Variants in ARHGEF2 observed in about 807,000 individuals in gnomAD.
ARHGEF2 encodes rho guanine nucleotide exchange factor 2.
ARHGEF2 carries 22 observed loss-of-function variants against 121.0 expected under a neutral mutation model. The observed-to-expected ratio is 0.18, with a 90% CI of 0.13 to 0.26. The LOEUF (loss-of-function observed/expected upper bound fraction) is 0.26, where lower values mean the gene tolerates loss of function less well. Among genes scored for constraint, ARHGEF2 ranks in the 10% least tolerant of loss-of-function variants. ARHGEF2 has a pLI of 1.00. For missense variants in ARHGEF2, 907 were observed against 1,336.0 expected, an observed-to-expected ratio of 0.68 and a Z score of 5.01; for synonymous variants, 487 against 530.0, an observed-to-expected ratio of 0.92 and a Z score of 1.11.
At chr1:155,949,652 G>C (rs1041548036) in intron 21 of ARHGEF2, among the ~76,000 whole-genome samples, 1 of 151,814 alleles carries the variant, frequency 6.6e-6, no homozygotes, top group African/African-American at 2.4e-5. Flanking sequence ...GCCAAGACAG[G>C]TGGATCGCGA....
intron 4 of ARHGEF2, among the ~76,000 whole-genome samples, chr1:155,966,094 C>T (rs997378809): frequency 2.0e-5 from 3 of 152,174 alleles, no homozygotes; most frequent in Non-Finnish European, 4.4e-5. Context: ...CTTTCTGTTA[C>T]ACCAAAGCTG....
chr1:155,962,468 A>G lies in ARHGEF2; in HGVS notation c.1101+125T>C. 1 of 1,380,656 alleles carries G rather than the reference A, an allele frequency of 7.2e-7. No homozygotes were observed. Among genetic ancestry groups the G allele is most frequent in the Non-Finnish European group, 1.0e-6 (1 of 997,852 alleles). 85.5% of individuals were successfully genotyped at this position (1,380,656 alleles called of 1,614,324 possible). ...GGGTTACTGCTGACAGGATCTGTGT[A>G]TGGATGGTCTGCACGGGTGGCGAAT... is the stretch of plus-strand genomic sequence containing the variant. On this transcript the variant is annotated intron_variant, in intron 9 of 21. Transcript: ENST00000361247. The surrounding 1 kb of genome is among the most constrained non-coding windows in gnomAD (Gnocchi z 5.8).
chr1:155,958,394 C>T lies in ARHGEF2; in HGVS notation c.1471G>A (p.Val491Met). ...ACATCTGTCATCAGCAGCACTAGCA[C>T]ATCTGGAAGGGGATGAAGGTGGGAG... The part of the protein sequence containing the change: ...WKTATGRFKD[V>M]LVLLMTDVLV... Residue 491 changes from valine (V) to methionine (M), a missense_variant and splice_region_variant, in exon 12 of 22, where the codon GTG (valine) becomes ATG (methionine). Around this residue, in one of 2 missense-constraint regions of ARHGEF2, gnomAD observed 475 missense variants for 776.5 expected, o/e 0.61. Transcript: ENST00000361247. The T allele has an allele frequency of 6.2e-7, 1 of 1,613,516 alleles. No homozygotes were observed. The highest frequency in any genetic ancestry group is 8.5e-7 in the Non-Finnish European group (1 of 1,179,548).
upstream of ARHGEF2, chr1:155,979,426 C>T (rs1681915388): frequency 5.5e-6 from 4 of 725,744 alleles, no homozygotes; most frequent in South Asian, 2.5e-4. Context: ...TCTCTCTGGA[C>T]CCTTTTCCCC....
Position 155,962,771 on chromosome 1 carries a change from AC to A in ARHGEF2, c.976-54del. Reference sequence around the variant, plus strand: ...CAGCATTCCCCCAAAGCCACACTTTACCCACTGGACACACCTCTGGCCTCCT... The same window carrying A: ...CAGCATTCCCCCAAAGCCACACTTTACCACTGGACACACCTCTGGCCTCCT... On this transcript the variant is annotated intron_variant, in intron 8 of 21. Transcript: ENST00000361247. This position sits in a 1 kb window ranked among gnomAD's most constrained non-coding sequence, Gnocchi z 5.8. 1 of 1,610,664 alleles carries A rather than the reference AC, an allele frequency of 6.2e-7. No homozygotes were observed. The highest frequency in any genetic ancestry group is 8.5e-7 in the Non-Finnish European group (1 of 1,178,104).
chr1:155,975,487 CT>C (rs1332232492), intron 1 of ARHGEF2, among the ~76,000 whole-genome samples: 1 of 152,074 alleles, frequency 6.6e-6, no homozygotes, highest in African/African-American at 2.4e-5. Flanking sequence ...TCCCCTCCCC[CT>C]CAACTCTCTC....
At chr1:155,974,034 T>G (rs1188156585) in intron 1 of ARHGEF2, among the ~76,000 whole-genome samples, 7 of 152,052 alleles carry the variant, frequency 4.6e-5, no homozygotes, top group African/African-American at 1.7e-4. Context: ...CTTTTTTTTT[T>G]TTAATAATAG....
intron 14 of ARHGEF2, among the ~76,000 whole-genome samples, chr1:155,954,277 T>C (rs1198807803): frequency 7.6e-6 from 1 of 131,550 alleles, no homozygotes; most frequent in Non-Finnish European, 1.7e-5. Flanking sequence ...CCAGCCAATC[T>C]ACTTCTTTTT....
At chr1:155,978,610 G>T, upstream of ARHGEF2, 1 of 1,264,422 alleles carries the variant, frequency 7.9e-7, no homozygotes, top group Middle Eastern at 3.0e-4. This position sits in a 1 kb window ranked among gnomAD's most constrained non-coding sequence, Gnocchi z 4.1. Flanking sequence ...CCAAGCTCAG[G>T]AAGGGGGTAG....
In ARHGEF2 at chr1:155,961,274, C is replaced by CTTTTT. The variant is rs926226291; in HGVS notation, c.1468+382_1468+386dup. On this transcript the variant is annotated intron_variant, in intron 11 of 21. Coordinates refer to ENST00000361247, the MANE Select transcript of ARHGEF2 (RefSeq NM_001162383.2). The surrounding 1 kb of genome is among the most constrained non-coding windows in gnomAD (Gnocchi z 4.7). ...TGGGCTGCATAAAGGGAGGTTGATT[C>CTTTTT]TTTTTTTTTTTTTTTTTTGAGATGG... Among the ~76,000 whole-genome samples, 1 of 131,382 alleles carries CTTTTT rather than the reference C, an allele frequency of 7.6e-6. No individual in the cohort carries two copies. Among genetic ancestry groups the CTTTTT allele is most frequent in the South Asian group, 2.5e-4 (1 of 4,026 alleles). The allele number at this position is 131,382 out of a possible 152,430, so 86.2% of individuals were successfully genotyped here. A position where few individuals can be genotyped will look rare whatever the true frequency, so the allele number is the denominator to read the frequency against.
chr1:155,970,685 G>C (rs889612685), intron 1 of ARHGEF2: 19 of 985,856 alleles, frequency 1.9e-5, no homozygotes, highest in Admixed American at 1.8e-4. Flanking sequence ...GCAGCTGAGA[G>C]GTGGAGGAGG....
At position 155,951,060 on chromosome 1, in the gene ARHGEF2, T is replaced by C. The variant is rs1379606484; in HGVS notation, c.2472A>G (p.Leu824=). The C allele has an allele frequency of 6.2e-7, 1 of 1,600,510 alleles. No individual in the cohort carries two copies. Among genetic ancestry groups the C allele is most frequent in the Non-Finnish European group, 8.5e-7 (1 of 1,175,468 alleles). Residue 824 remains leucine, a synonymous_variant, in exon 20 of 22, where the codon CTA becomes CTG. Transcript: ENST00000361247. The surrounding 1 kb of genome is among the most constrained non-coding windows in gnomAD (Gnocchi z 5.1). ...CAGCTTCGGTTGCCCGTTCTTCACC[T>C]AGCCGCCGGCAGCGCCGTAGCTCCT... ...LQEELRRCRR[L]GEERATEAGS... is the part of the protein sequence containing the mutation.
At chr1:155,973,040 G>A (rs1013973633) in intron 1 of ARHGEF2, among the ~76,000 whole-genome samples, 1 of 151,478 alleles carries the variant, frequency 6.6e-6, no homozygotes, top group African/African-American at 2.4e-5. Flanking sequence ...CAAATCCCAT[G>A]GGAAGTTCTT....
intron 1 of ARHGEF2, among the ~76,000 whole-genome samples, chr1:155,976,606 C>T (rs1166048250): frequency 1.5e-5 from 2 of 135,526 alleles, no homozygotes; most frequent in African/African-American, 5.2e-5. Context: ...CTACCTGCCC[C>T]CACAGAACCG....
At chr1:155,969,403 C>A in intron 1 of ARHGEF2, 103 bp from the exon 2 acceptor site, 2 of 1,547,796 alleles carry the variant, frequency 1.3e-6, no homozygotes, top group Non-Finnish European at 1.7e-6. Flanking sequence ...AAAATGCCAG[C>A]CTGAGGATGC....
intron 3 of ARHGEF2, 25 bp from the exon 4 acceptor site, chr1:155,966,504 G>T (rs1558037673): frequency 6.2e-7 from 1 of 1,613,714 alleles, no homozygotes; most frequent in East Asian, 2.2e-5. Flanking sequence ...GCAGGAGAGA[G>T]ATACCAAGAA....
chr1:155,978,612 A>G, upstream of ARHGEF2: 1 of 1,252,480 alleles, frequency 8.0e-7, no homozygotes, highest in South Asian at 2.7e-5. The surrounding 1 kb of genome is among the most constrained non-coding windows in gnomAD (Gnocchi z 4.1). Context: ...AAGCTCAGGA[A>G]GGGGGTAGGC....
chr1:155,974,847 AAG>A (rs963632875), intron 1 of ARHGEF2, among the ~76,000 whole-genome samples: 1 of 104,142 alleles, frequency 9.6e-6, no homozygotes, highest in African/African-American at 2.6e-5. Context: ...GACAAGCAGA[AAG>A]AGAGGGGGGG....
Position 155,965,280 on chromosome 1 carries a change from C to T in ARHGEF2, c.580+23G>A, listed in dbSNP as rs776718222. On this transcript the variant is annotated intron_variant, in intron 6 of 21. Transcript: ENST00000361247. This position sits in a 1 kb window ranked among gnomAD's most constrained non-coding sequence, Gnocchi z 6.0. ...GCCCCTCTTCATGTTCCTCAGGGCTCCCCTGGGCCCAGGCCTGCTCACCTT... is the reference window on the plus strand; with the variant it reads ...GCCCCTCTTCATGTTCCTCAGGGCTTCCCTGGGCCCAGGCCTGCTCACCTT... 6.2e-7 allele frequency: 1 copy of T among 1,611,326 alleles called. No homozygotes were observed. The highest frequency in any genetic ancestry group is 1.7e-5 in the Admixed American group (1 of 60,014).
Sources: gnomAD v4.1 joint callset for allele counts (sites outside exome capture counted in the v4.1 genomes callset) on GRCh38, gnomAD v4.1.1 for gene constraint, gnomAD v4.1.1 regional missense constraint, Gnocchi (gnomAD v3.1) non-coding constraint, MANE v1.5 for transcripts, NCBI Gene and HGNC (gene_info 2026-07-23, HGNC 2026-07-21) for gene names.